FSHR: variants seen among roughly 807,000 people sequenced by gnomAD.
FSHR encodes follicle-stimulating hormone receptor.
Under a neutral mutation model 52.1 loss-of-function variants are expected in FSHR, and 46 were observed. The observed-to-expected ratio is 0.88, with a 90% confidence interval of 0.70 to 1.13. The LOEUF is 1.13. FSHR is among the 50% of genes most tolerant of loss of function. The pLI is 0.00. For missense variants in FSHR, 964 were observed against 834.6 expected, an observed-to-expected ratio of 1.16 and a Z score of -1.91; for synonymous variants, 399 against 309.6, an observed-to-expected ratio of 1.29 and a Z score of -3.03.
At position 48,983,140 on chromosome 2, in the gene FSHR, T is replaced by G; in HGVS notation, c.551A>C (p.Glu184Ala). 3 of 1,614,130 alleles carry G rather than the reference T, an allele frequency of 1.9e-6. No individual in the cohort carries two copies. The highest frequency in any genetic ancestry group is 2.5e-6 in the Non-Finnish European group (3 of 1,180,006). The change falls in exon 7 of 10, where the codon GAA becomes GCA. Residue 184 changes from glutamate to alanine, a missense_variant. Coordinates refer to ENST00000406846, the MANE Select transcript of FSHR (RefSeq NM_000145.4). ...TCCATTGAATGCACAGTTGTGTATTTCTTGAATCCCATTCTTATTCAGCCA... is the reference window on the plus strand; with the variant it reads ...TCCATTGAATGCACAGTTGTGTATTGCTTGAATCCCATTCTTATTCAGCCA... The part of the protein sequence containing the change: ...ILWLNKNGIQ[E>A]IHNCAFNGTQ...
intron 1 of FSHR, among the ~76,000 whole-genome samples, chr2:49,113,477 C>A (rs1012132555): frequency 2.6e-5 from 4 of 152,202 alleles, no homozygotes; most frequent in Non-Finnish European, 5.9e-5. Context: ...GGAAGCTGTG[C>A]ATTTGCACAG....
At chr2:49,013,074 C>T (rs887398258) in intron 4 of FSHR, among the ~76,000 whole-genome samples, 9 of 151,814 alleles carry the variant, frequency 5.9e-5, no homozygotes, top group African/African-American at 2.2e-4. Flanking sequence ...GTCTCTCTTT[C>T]TCCTTTCTCT....
chr2:49,056,664 G>T (rs1458129395), intron 2 of FSHR, among the ~76,000 whole-genome samples: 4 of 151,778 alleles, frequency 2.6e-5, no homozygotes, highest in Admixed American at 6.6e-5. Context: ...AGACCAAACA[G>T]ACACTTACAG....
At chr2:48,965,462 T>C (rs1674431833) in intron 9 of FSHR, among the ~76,000 whole-genome samples, 1 of 152,196 alleles carries the variant, frequency 6.6e-6, no homozygotes, top group African/African-American at 2.4e-5. Flanking sequence ...GTTTAGTCAA[T>C]GGTCTTCCAA....
At chr2:49,130,845 T>A (rs1424974947) in intron 1 of FSHR, among the ~76,000 whole-genome samples, 2 of 152,074 alleles carry the variant, frequency 1.3e-5, no homozygotes, top group East Asian at 3.8e-4. Context: ...CCCTGGAGGG[T>A]GTAGGAGACA....
intron 4 of FSHR, among the ~76,000 whole-genome samples, chr2:48,992,822 C>T (rs183556685): frequency 4.6e-5 from 7 of 152,260 alleles, no homozygotes; most frequent in Non-Finnish European, 8.8e-5. Flanking sequence ...ATGCTGTCTT[C>T]ATTTTCTCAT....
chr2:49,077,267 T>C (rs1669984491), intron 1 of FSHR, among the ~76,000 whole-genome samples: 1 of 152,222 alleles, frequency 6.6e-6, no homozygotes, highest in African/African-American at 2.4e-5. Context: ...ATCTTGACTT[T>C]TGTGCTCAAC....
intron 4 of FSHR, chr2:49,014,656 T>A (rs943882385): frequency 1.1e-5 from 3 of 263,632 alleles, no homozygotes; most frequent in Non-Finnish European, 2.2e-5. Context: ...TCTGAATCCC[T>A]TGGTTTCAAA....
chr2:49,122,184 G>A (rs965164485), intron 1 of FSHR, among the ~76,000 whole-genome samples: 5 of 152,104 alleles, frequency 3.3e-5, no homozygotes, highest in Admixed American at 6.6e-5. Context: ...AGCATGTTCT[G>A]AGCATTTTCC....
chr2:49,127,241 T>A (rs1672034540), intron 1 of FSHR, among the ~76,000 whole-genome samples: 1 of 151,318 alleles, frequency 6.6e-6, no homozygotes. Flanking sequence ...GGCAGGAGAA[T>A]CGCTTGAACC....
intron 1 of FSHR, among the ~76,000 whole-genome samples, chr2:49,128,191 T>C (rs1397180102): frequency 2.0e-5 from 3 of 151,958 alleles, no homozygotes; most frequent in Non-Finnish European, 4.4e-5. Context: ...AATTTATGCT[T>C]GAACTCAAAT....
chr2:48,990,760 C>T lies in FSHR; in HGVS notation c.375-123G>A, dbSNP rs930328553. 5 of 729,058 alleles carry T rather than the reference C, an allele frequency of 6.9e-6. No individual in the cohort carries two copies. The African/African-American group carries it at 7.0e-5, about 10-fold the overall frequency. 45.2% of individuals were successfully genotyped at this position (729,058 alleles called of 1,614,324 possible). ...CCATCAGAAAAATCTACGAGAAAAG[C>T]CCGTATATACGTGAATTAGGCTCAT... is the stretch of plus-strand genomic sequence containing the variant. On this transcript the variant is annotated intron_variant, in intron 4 of 9. Coordinates refer to ENST00000406846, the MANE Select transcript of FSHR (RefSeq NM_000145.4).
intron 2 of FSHR, among the ~76,000 whole-genome samples, chr2:49,038,412 G>T (rs1170325999): frequency 6.6e-6 from 1 of 151,832 alleles, no homozygotes; most frequent in Non-Finnish European, 1.5e-5. Context: ...ACGAGGTCAG[G>T]AGATCGAGAC....
At chr2:49,120,288 G>A (rs1344825823) in intron 1 of FSHR, among the ~76,000 whole-genome samples, 1 of 151,946 alleles carries the variant, frequency 6.6e-6, no homozygotes, top group African/African-American at 2.4e-5. Flanking sequence ...AAAACAAAAA[G>A]GAAAGGAAAC....
intron 2 of FSHR, among the ~76,000 whole-genome samples, chr2:49,047,010 G>T (rs546571299): frequency 1.3e-4 from 20 of 152,250 alleles, no homozygotes; most frequent in African/African-American, 4.6e-4. Context: ...GCCTGCACTT[G>T]TCTCAAGTAT....
Position 49,014,931 on chromosome 2 carries a change from CAAAAG to C in FSHR, c.374+2553_374+2557del, listed in dbSNP as rs367742513. ...TTTTCCACTTTGGCATTCTCCAAAA[CAAAAG>C]AAGAGAAGGATCTGGAAGGGAGAGA... On this transcript the variant is annotated intron_variant, in intron 4 of 9. Transcript: ENST00000406846. 10 of 469,254 alleles carry C rather than the reference CAAAAG, an allele frequency of 2.1e-5. No individual in the cohort carries two copies. The East Asian group carries it at 4.9e-4, about 23-fold the overall frequency. 29.1% of individuals were successfully genotyped at this position (469,254 alleles called of 1,614,324 possible). A position where few individuals can be genotyped will look rare whatever the true frequency, so the allele number is the denominator to read the frequency against.
chr2:49,093,433 A>G (rs935524437), intron 1 of FSHR, among the ~76,000 whole-genome samples: 3 of 152,036 alleles, frequency 2.0e-5, no homozygotes, highest in Admixed American at 2.0e-4. Context: ...TCATTCTGCA[A>G]TGTCCCTCTT....
intron 1 of FSHR, among the ~76,000 whole-genome samples, chr2:49,071,485 A>G (rs1669727131): frequency 6.6e-6 from 1 of 152,238 alleles, no homozygotes; most frequent in South Asian, 2.1e-4. Context: ...TTAATTAGCT[A>G]TGAATAAACT....
At chr2:49,098,886 ATTATAC>A (rs1361286668) in intron 1 of FSHR, among the ~76,000 whole-genome samples, 3 of 146,822 alleles carry the variant, frequency 2.0e-5, no homozygotes, top group Admixed American at 7.0e-5. Flanking sequence ...TTATCCATAT[ATTATAC>A]TTATATAAGT....
Sources: allele counts gnomAD v4.1 joint callset (sites outside exome capture counted in the v4.1 genomes callset), GRCh38; gene constraint gnomAD v4.1.1; transcripts MANE v1.5; gene names NCBI Gene and HGNC (gene_info 2026-07-23, HGNC 2026-07-21).